FAXDC2: variants seen among roughly 807,000 people sequenced by gnomAD.
The protein encoded by FAXDC2 is fatty acid hydroxylase domain-containing protein 2.
Under a neutral mutation model 40.9 loss-of-function variants are expected in FAXDC2, and 41 were observed. The ratio of observed to expected loss-of-function variants is 1.00; its 90% confidence interval spans 0.78 to 1.30. The LOEUF (loss-of-function observed/expected upper bound fraction) is 1.30. Among genes scored for constraint, FAXDC2 ranks in the 50% most tolerant of loss-of-function variants. The pLI, the probability that FAXDC2 is intolerant of heterozygous loss-of-function variation, is 0.00. For synonymous variants in FAXDC2, 157 were observed against 149.3 expected, an observed-to-expected ratio of 1.05 and a Z score of -0.38; for missense variants, 390 against 408.8, an observed-to-expected ratio of 0.95 and a Z score of 0.40.
At chr5:154,834,472 G>GT (rs1317521812) in intron 4 of FAXDC2, among the ~76,000 whole-genome samples, 153 bp downstream of exon 4, 78 of 152,136 alleles carry the variant, frequency 5.1e-4, no homozygotes, top group African/African-American at 1.9e-3. Flanking sequence ...CACAAGTTTA[G>GT]TATTCTTTGG....
rs745847018 is a variant in FAXDC2 at position 154,830,940 on chromosome 5, A to T, written c.245-18T>A. On this transcript the variant is annotated intron_variant, in intron 4 of 8. Coordinates refer to ENST00000326080, the MANE Select transcript of FAXDC2 (RefSeq NM_032385.5). ...GATGGCACCTGAGATTGGGAAACAG[A>T]AACAGTCAGGGCGACTTTGGGTTCT... is the stretch of plus-strand genomic sequence containing the variant. 6.2e-7 allele frequency: 1 copy of T among 1,612,906 alleles called. No individual in the cohort carries two copies. Among genetic ancestry groups the T allele is most frequent in the African/African-American group, 1.3e-5 (1 of 74,930 alleles).
Position 154,830,785 on chromosome 5 carries a change from T to C in FAXDC2, c.366+16A>G, listed in dbSNP as rs1389478754. On this transcript the variant is annotated intron_variant, in intron 5 of 8. Transcript: ENST00000326080. ...TTGCTTTCTGTGCTTTGACCAGAAGTTGCAACAACACTTACAGGTTCATTC... is the reference window on the plus strand; with the variant it reads ...TTGCTTTCTGTGCTTTGACCAGAAGCTGCAACAACACTTACAGGTTCATTC... 4 of 1,608,082 alleles carry C rather than the reference T, an allele frequency of 2.5e-6. No individual in the cohort carries two copies. Among genetic ancestry groups the C allele is most frequent in the Non-Finnish European group, 3.4e-6 (4 of 1,177,274 alleles).
At chr5:154,842,519 T>TG (rs1760500820) in intron 1 of FAXDC2, among the ~76,000 whole-genome samples, 1 of 109,130 alleles carries the variant, frequency 9.2e-6, no homozygotes, top group East Asian at 2.5e-4. Context: ...TGTGTTTTTT[T>TG]TTTTTTTTTT....
intron 1 of FAXDC2, among the ~76,000 whole-genome samples, chr5:154,845,202 C>T (rs552576380): frequency 1.3e-5 from 2 of 152,266 alleles, no homozygotes; most frequent in African/African-American, 4.8e-5. Flanking sequence ...GCCTCTCTGC[C>T]CGCCTGCAGA....
chr5:154,846,446 T>C (rs1042583996), intron 1 of FAXDC2, among the ~76,000 whole-genome samples: 3 of 152,208 alleles, frequency 2.0e-5, no homozygotes, highest in East Asian at 3.8e-4. Context: ...TAACTTTGAT[T>C]TTCCAGAGAA....
chr5:154,846,585 A>G (rs895110263), intron 1 of FAXDC2, among the ~76,000 whole-genome samples: 6 of 151,970 alleles, frequency 3.9e-5, no homozygotes, highest in African/African-American at 1.5e-4. Flanking sequence ...GGGTCTCACT[A>G]TTTTGCCCAG....
At chr5:154,822,147 A>C in intron 7 of FAXDC2, 1 of 238,858 alleles carries the variant, frequency 4.2e-6, no homozygotes, top group Non-Finnish European at 8.2e-6. Flanking sequence ...GGTCTCAGCT[A>C]TTTGGAAGAC....
chr5:154,834,617 A>G lies in FAXDC2; in HGVS notation c.244+8T>C, dbSNP rs1760272121. On this transcript the variant is annotated splice_region_variant and intron_variant, in intron 4 of 8. Coordinates refer to ENST00000326080, the MANE Select transcript of FAXDC2 (RefSeq NM_032385.5). ...ACATGCTAGGTGCTGGTGGTCTGGG[A>G]ACCTCACCTATAAAGAAGAGGATCC... 6.3e-7 allele frequency: 1 copy of G among 1,593,712 alleles called. No individual in the cohort carries two copies. Among genetic ancestry groups the G allele is most frequent in the Non-Finnish European group, 8.6e-7 (1 of 1,161,442 alleles).
At chr5:154,831,429 CGTT>C (rs1216871698) in intron 4 of FAXDC2, 2 of 151,740 alleles carry the variant, frequency 1.3e-5, no homozygotes, top group Admixed American at 6.6e-5. Context: ...GAAAACTCAT[CGTT>C]GTTTTTTTTT....
intron 2 of FAXDC2, among the ~76,000 whole-genome samples, chr5:154,836,668 A>G (rs921181826): frequency 6.6e-6 from 1 of 151,374 alleles, no homozygotes; most frequent in Non-Finnish European, 1.5e-5. Flanking sequence ...TTTTTTTTTA[A>G]TTGAGACAGT....
intron 1 of FAXDC2, among the ~76,000 whole-genome samples, chr5:154,842,107 G>C (rs923935644): frequency 2.6e-5 from 4 of 152,092 alleles, no homozygotes; most frequent in Non-Finnish European, 5.9e-5. Flanking sequence ...TTAAGCACAA[G>C]GGAGGTAGTG....
intron 8 of FAXDC2, chr5:154,821,049 A>C (rs745434890): frequency 3.6e-6 from 2 of 555,770 alleles, no homozygotes; most frequent in South Asian, 4.9e-5. Flanking sequence ...CAGAGTCCAA[A>C]TAAAGGTTTA....
chr5:154,838,155 CAT>C lies in FAXDC2; in HGVS notation c.22_23del (p.Met8AlafsTer4), dbSNP rs754675042. 1.2e-6 allele frequency: 2 copies of C among 1,613,446 alleles called. No homozygotes were observed. The highest frequency in any genetic ancestry group is 1.7e-6 in the Non-Finnish European group (2 of 1,179,640). On this transcript the variant is annotated frameshift_variant, in exon 2 of 9. Coordinates refer to ENST00000326080, the MANE Select transcript of FAXDC2 (RefSeq NM_032385.5). LOFTEE classifies it high-confidence loss of function. MKGEAGH[M>X]LHNEKSKQEG... ...CCTGCTTTGACTTTTCATTGTGTAG[CAT>C]ATGTCCAGCTTCTCCTTTCATCTGG...
At position 154,819,451 on chromosome 5, in the gene FAXDC2, C is replaced by T. The variant is rs1485805961; in HGVS notation, c.*865G>A. ...CTTCGGGGAGAAAGAGGGCTCTAAC[C>T]TTTGGTCCTCATTCAGATAGGCTAA... On this transcript the variant is annotated 3_prime_UTR_variant, in exon 9 of 9. Transcript: ENST00000326080. 6.6e-6 allele frequency: 1 copy of T among 152,154 alleles called. No individual in the cohort carries two copies. Among genetic ancestry groups the T allele is most frequent in the Non-Finnish European group, 1.5e-5 (1 of 68,044 alleles). The allele number at this position is 152,154 out of a possible 1,614,324, so 9.4% of individuals were successfully genotyped here. A position where few individuals can be genotyped will look rare whatever the true frequency, so the allele number is the denominator to read the frequency against.
At position 154,834,742 on chromosome 5, in the gene FAXDC2, C is replaced by T. The variant is rs377184294; in HGVS notation, c.141-14G>A. ...CTCTGAAGATGCCTTGGAAAAAAAA[C>T]CAGGTTTCTGGGTGAAGACTAGTGG... On this transcript the variant is annotated splice_polypyrimidine_tract_variant and intron_variant, in intron 3 of 8. Coordinates refer to ENST00000326080, the MANE Select transcript of FAXDC2 (RefSeq NM_032385.5). 7 of 1,611,778 alleles carry T rather than the reference C, an allele frequency of 4.3e-6. No homozygotes were observed. In the African/African-American group the frequency reaches 8.0e-5, roughly 18 times the overall value.
chr5:154,820,114 C>T lies in FAXDC2; in HGVS notation c.*202G>A. 1.8e-6 allele frequency: 1 copy of T among 556,402 alleles called. No homozygotes were observed. Among genetic ancestry groups the T allele is most frequent in the South Asian group, 2.2e-5 (1 of 44,796 alleles). The allele number at this position is 556,402 out of a possible 1,614,324, so 34.5% of individuals were successfully genotyped here. Reference sequence around the variant, plus strand: ...CCTTTTTCTTAAGCTAACTCCTGATCCCATTGAGGGACATCAAGGGCAGTA... The same window carrying T: ...CCTTTTTCTTAAGCTAACTCCTGATTCCATTGAGGGACATCAAGGGCAGTA... On this transcript the variant is annotated 3_prime_UTR_variant, in exon 9 of 9. Transcript: ENST00000326080.
At chr5:154,849,583 C>G (rs1417765391) in intron 1 of FAXDC2, among the ~76,000 whole-genome samples, 1 of 152,130 alleles carries the variant, frequency 6.6e-6, no homozygotes, top group Non-Finnish European at 1.5e-5. Context: ...AAAAAGTGTT[C>G]AACATTTGCT....
At chr5:154,845,352 C>T (rs181996806) in intron 1 of FAXDC2, among the ~76,000 whole-genome samples, 2 of 152,326 alleles carry the variant, frequency 1.3e-5, no homozygotes, top group East Asian at 3.9e-4. Context: ...GAAATTTTGG[C>T]AAATAAAACT....
chr5:154,848,145 A>C (rs1320556283), intron 1 of FAXDC2, among the ~76,000 whole-genome samples: 2 of 152,064 alleles, frequency 1.3e-5, no homozygotes, highest in African/African-American at 4.8e-5. Context: ...GGCCTACTGA[A>C]TGTTCCTATT....
Sources: gnomAD v4.1 joint callset for allele counts (sites outside exome capture counted in the v4.1 genomes callset) on GRCh38, gnomAD v4.1.1 for gene constraint, MANE v1.5 for transcripts, NCBI Gene and HGNC (gene_info 2026-07-23, HGNC 2026-07-21) for gene names.